The following CTNNA3 variants were observed in gnomAD, a reference collection of about 807,000 sequenced individuals.
The protein encoded by CTNNA3 is catenin alpha-3.
In CTNNA3, 76 loss-of-function variants were observed where a neutral mutation model predicts 95.7. The observed-to-expected ratio is 0.79, with a 90% CI of 0.66 to 0.96. The LOEUF (loss-of-function observed/expected upper bound fraction) is 0.96, where lower values mean the gene tolerates loss of function less well. Ranked by LOEUF, CTNNA3 falls within the 40% of genes least tolerant of loss-of-function variation. The probability of loss-of-function intolerance (pLI) is 0.00; values close to 1 mark genes in which losing one functional copy is unlikely to be tolerated. For missense variants in CTNNA3, 1,191 were observed against 1,089.8 expected (o/e 1.09, Z -1.31); for synonymous variants, 431 against 374.4 (o/e 1.15, Z -1.74).
At chr10:67,375,184 T>C (rs1240203008) in intron 5 of CTNNA3, among the ~76,000 whole-genome samples, 1 of 152,232 alleles carries the variant, frequency 6.6e-6, no homozygotes, top group African/African-American at 2.4e-5. Flanking sequence ...TAACTAGCCA[T>C]GTGACAAGTT....
intron 5 of CTNNA3, among the ~76,000 whole-genome samples, chr10:67,486,300 T>A (rs1589346121): frequency 2.0e-5 from 3 of 152,340 alleles, no homozygotes; most frequent in Admixed American, 2.0e-4. Flanking sequence ...AGACCACTTA[T>A]CTGGATTCTG....
chr10:66,786,378 C>A (rs946055396), intron 7 of CTNNA3, among the ~76,000 whole-genome samples: 1 of 152,132 alleles, frequency 6.6e-6, no homozygotes, highest in Non-Finnish European at 1.5e-5. Flanking sequence ...TCTCCTTCCT[C>A]CTCTTGCTTC....
At chr10:66,104,721 G>A (rs781752307) in intron 13 of CTNNA3, among the ~76,000 whole-genome samples, 10 of 152,288 alleles carry the variant, frequency 6.6e-5, no homozygotes, top group East Asian at 5.8e-4. Context: ...AACCAAAAAC[G>A]AAGTAGAAGA....
intron 7 of CTNNA3, among the ~76,000 whole-genome samples, chr10:66,915,631 T>G (rs1007329294): frequency 6.6e-6 from 1 of 151,442 alleles, no homozygotes; most frequent in Non-Finnish European, 1.5e-5. Context: ...AGCCAAGAAA[T>G]GGAGTGCTGC....
At chr10:66,032,550 G>C (rs775765466) in intron 15 of CTNNA3, among the ~76,000 whole-genome samples, 3 of 152,076 alleles carry the variant, frequency 2.0e-5, no homozygotes, top group Non-Finnish European at 2.9e-5. Context: ...AAAAACTGTA[G>C]CTTGACATTT....
At chr10:67,184,942 G>GA (rs1446371209) in intron 6 of CTNNA3, among the ~76,000 whole-genome samples, 1 of 152,006 alleles carries the variant, frequency 6.6e-6, no homozygotes. Context: ...TATTTTGGTG[G>GA]AAAAAATGTT....
chr10:66,580,747 T>C (rs967345212), intron 10 of CTNNA3, among the ~76,000 whole-genome samples: 12 of 151,902 alleles, frequency 7.9e-5, no homozygotes, highest in Admixed American at 7.2e-4. Context: ...AAGAAGAGGG[T>C]TGCCTCATTA....
At chr10:67,014,499 A>G (rs990864102) in intron 7 of CTNNA3, among the ~76,000 whole-genome samples, 1 of 152,136 alleles carries the variant, frequency 6.6e-6, no homozygotes, top group African/African-American at 2.4e-5. Flanking sequence ...TCTAGACAAA[A>G]TTAGTTTTTA....
Position 66,057,493 on chromosome 10 carries a change from A to G in CTNNA3, c.2159+11815T>C, listed in dbSNP as rs187686213. On this transcript the variant is annotated intron_variant, in intron 15 of 17. Coordinates refer to ENST00000433211, the MANE Select transcript of CTNNA3 (RefSeq NM_013266.4). ...GCTGAATGTTTGCTCATTACTTATC[A>G]TGATTAGCAATCATCCTGTACATTT... is the stretch of plus-strand genomic sequence containing the variant. Among the ~76,000 whole-genome samples, 390 of 152,338 alleles carry G rather than the reference A, an allele frequency of 2.6e-3. 6 individuals carry two copies. Among genetic ancestry groups the G allele is most frequent in the African/African-American group, 9.1e-3 (377 of 41,588 alleles).
intron 5 of CTNNA3, among the ~76,000 whole-genome samples, chr10:67,382,095 C>A (rs1843971847): frequency 6.6e-6 from 1 of 152,146 alleles, no homozygotes; most frequent in Non-Finnish European, 1.5e-5. Flanking sequence ...TAGTTTCTTT[C>A]ATTCTAACTT....
At chr10:67,274,856 A>G (rs757363730) in intron 5 of CTNNA3, among the ~76,000 whole-genome samples, 4 of 152,168 alleles carry the variant, frequency 2.6e-5, no homozygotes, top group Non-Finnish European at 5.9e-5. Context: ...CTGACAAAAT[A>G]TCAGTAAGAA....
intron 6 of CTNNA3, among the ~76,000 whole-genome samples, chr10:67,211,348 T>C (rs1362132027): frequency 6.6e-6 from 1 of 151,886 alleles, no homozygotes; most frequent in Non-Finnish European, 1.5e-5. Flanking sequence ...CAGCAAACCT[T>C]GAACACGATC....
At chr10:67,099,125 A>C (rs1397327735) in intron 7 of CTNNA3, 1 of 151,812 alleles carries the variant, frequency 6.6e-6, no homozygotes, top group Non-Finnish European at 1.5e-5. Flanking sequence ...CCAAATTATC[A>C]AAGAAATAAC....
intron 6 of CTNNA3, among the ~76,000 whole-genome samples, chr10:67,215,709 C>T (rs759588206): frequency 2.6e-5 from 4 of 152,124 alleles, no homozygotes; most frequent in Admixed American, 6.5e-5. Context: ...TCCTGCTATT[C>T]GGGTTAGTGT....
At chr10:67,453,674 G>T (rs1256610920) in intron 5 of CTNNA3, among the ~76,000 whole-genome samples, 1 of 152,176 alleles carries the variant, frequency 6.6e-6, no homozygotes, top group Non-Finnish European at 1.5e-5. Flanking sequence ...AATAAATGCA[G>T]AACAGTCTGT....
At chr10:66,102,734 T>C (rs1318548384) in intron 14 of CTNNA3, among the ~76,000 whole-genome samples, 3 of 151,944 alleles carry the variant, frequency 2.0e-5, no homozygotes, top group Non-Finnish European at 2.9e-5. Context: ...TGTGTGTGTG[T>C]GTTTGGGGGC....
intron 11 of CTNNA3, among the ~76,000 whole-genome samples, chr10:66,415,054 C>T (rs1589217778): frequency 6.6e-6 from 1 of 152,126 alleles, no homozygotes; most frequent in Non-Finnish European, 1.5e-5. Context: ...GCTGGTACCA[C>T]CCTCAACCCC....
intron 11 of CTNNA3, among the ~76,000 whole-genome samples, chr10:66,380,343 C>G (rs181698385): frequency 1.3e-5 from 2 of 152,140 alleles, no homozygotes; most frequent in African/African-American, 4.8e-5. Flanking sequence ...GGTGTGGTGG[C>G]TCACATCTAT....
chr10:67,558,821 C>A (rs1019556085), intron 3 of CTNNA3, among the ~76,000 whole-genome samples: 4 of 152,208 alleles, frequency 2.6e-5, no homozygotes, highest in Non-Finnish European at 2.9e-5. Flanking sequence ...AAAAATGGCA[C>A]GCCAGGAGAT....
Sources: gnomAD v4.1 joint callset for allele counts (sites outside exome capture counted in the v4.1 genomes callset) on GRCh38, gnomAD v4.1.1 for gene constraint, MANE v1.5 for transcripts, NCBI Gene and HGNC (gene_info 2026-07-23, HGNC 2026-07-21) for gene names.